Variants in PAPPA2 observed in about 807,000 individuals in gnomAD.
PAPPA2 encodes the protein pappalysin 2, also known as pappalysin-2.
In PAPPA2, 86 loss-of-function variants were observed where a neutral mutation model predicts 176.4. The observed-to-expected ratio is 0.49, with a 90% confidence interval of 0.41 to 0.58. PAPPA2 has a LOEUF of 0.58. Among genes scored for constraint, PAPPA2 ranks in the 20% least tolerant of loss-of-function variants. The probability of loss-of-function intolerance (pLI) is 0.00; values close to 1 mark genes in which losing one functional copy is unlikely to be tolerated. For synonymous variants in PAPPA2, 809 were observed against 852.2 expected (o/e 0.95, Z 0.88); for missense variants, 2,073 against 2,256.9 (o/e 0.92, Z 1.65).
At chr1:176,635,807 A>G (rs2102717014) in intron 3 of PAPPA2, among the ~76,000 whole-genome samples, 1 of 152,212 alleles carries the variant, frequency 6.6e-6, no homozygotes, top group Non-Finnish European at 1.5e-5. Flanking sequence ...GTACCACGGT[A>G]GGAGAATGAA....
rs117531032 is a variant in PAPPA2 at position 176,558,476 on chromosome 1, C to A, written c.919+1235C>A. Among the ~76,000 whole-genome samples the A allele has an allele frequency of 6.4e-4, 98 of 152,288 alleles. 1 individual carries two copies. In the East Asian group the frequency reaches 7.7e-3, roughly 12 times the overall value. ...ATCCCTTCCGGACACTCTGTCTCCCCCTCTTTGGCTGTGATTTCTCCTTCG... is the reference window on the plus strand; with the variant it reads ...ATCCCTTCCGGACACTCTGTCTCCCACTCTTTGGCTGTGATTTCTCCTTCG... On this transcript the variant is annotated intron_variant, in intron 2 of 22. Transcript: ENST00000367662.
At chr1:176,839,693 C>A (rs1402212566) in intron 21 of PAPPA2, among the ~76,000 whole-genome samples, 1 of 152,128 alleles carries the variant, frequency 6.6e-6, no homozygotes, top group Non-Finnish European at 1.5e-5. Flanking sequence ...AGTTACATGA[C>A]ATCTAATACT....
chr1:176,604,587 T>G (rs1370283899), intron 3 of PAPPA2, among the ~76,000 whole-genome samples: 1 of 152,222 alleles, frequency 6.6e-6, no homozygotes, highest in African/African-American at 2.4e-5. Context: ...GGCAGAGTTG[T>G]GCAGTTAAAA....
intron 21 of PAPPA2, among the ~76,000 whole-genome samples, chr1:176,807,209 C>A (rs1243026732): frequency 6.6e-6 from 1 of 152,180 alleles, no homozygotes; most frequent in African/African-American, 2.4e-5. Context: ...ACTCAAAGCA[C>A]AAGGATACTT....
chr1:176,488,565 A>G (rs1472103858), intron 1 of PAPPA2, among the ~76,000 whole-genome samples: 2 of 152,092 alleles, frequency 1.3e-5, no homozygotes, highest in African/African-American at 4.8e-5. Flanking sequence ...CACCCTAATA[A>G]TTGGGATGAT....
intron 1 of PAPPA2, among the ~76,000 whole-genome samples, chr1:176,481,034 C>G (rs917788796): frequency 1.3e-5 from 2 of 152,070 alleles, no homozygotes; most frequent in Non-Finnish European, 1.5e-5. Flanking sequence ...CCTACCTGCA[C>G]CACCCACTCT....
chr1:176,607,651 A>T (rs1460687590), intron 3 of PAPPA2, among the ~76,000 whole-genome samples: 1 of 152,176 alleles, frequency 6.6e-6, no homozygotes, highest in Admixed American at 6.5e-5. Flanking sequence ...AATGTATATG[A>T]CTACTTGTAC....
chr1:176,688,086 A>G (rs1659933288), intron 4 of PAPPA2, among the ~76,000 whole-genome samples: 1 of 152,234 alleles, frequency 6.6e-6, no homozygotes, highest in Non-Finnish European at 1.5e-5. Context: ...CTTAAACTTT[A>G]TAGGTGAATT....
chr1:176,577,223 A>T (rs1159401916), intron 2 of PAPPA2, among the ~76,000 whole-genome samples: 1 of 152,148 alleles, frequency 6.6e-6, no homozygotes, highest in African/African-American at 2.4e-5. Context: ...CTTATCCCCC[A>T]TCTCACCATT....
intron 21 of PAPPA2, among the ~76,000 whole-genome samples, chr1:176,825,717 T>A (rs1666834205): frequency 6.6e-6 from 1 of 152,246 alleles, no homozygotes; most frequent in Non-Finnish European, 1.5e-5. Context: ...TTGTATATTT[T>A]GTTTGCTTTG....
chr1:176,784,862 A>G (rs1024059811), intron 17 of PAPPA2, among the ~76,000 whole-genome samples: 2 of 152,152 alleles, frequency 1.3e-5, no homozygotes, highest in Non-Finnish European at 2.9e-5. Flanking sequence ...CTGGGATTAC[A>G]GGCATGAGCC....
At chr1:176,630,458 A>C (rs1405509831) in intron 3 of PAPPA2, among the ~76,000 whole-genome samples, 1 of 152,218 alleles carries the variant, frequency 6.6e-6, no homozygotes, top group Non-Finnish European at 1.5e-5. Flanking sequence ...GGCAAGGAAC[A>C]GATAATGAGA....
At chr1:176,516,288 T>G (rs77707332) in intron 1 of PAPPA2, among the ~76,000 whole-genome samples, 2 of 151,900 alleles carry the variant, frequency 1.3e-5, no homozygotes, top group Non-Finnish European at 1.5e-5. Context: ...TTTTTTTTTT[T>G]TGTGACAGGC....
chr1:176,647,579 T>C (rs1316380305), intron 3 of PAPPA2, among the ~76,000 whole-genome samples: 1 of 151,724 alleles, frequency 6.6e-6, no homozygotes, highest in Non-Finnish European at 1.5e-5. Context: ...CATTTTGATT[T>C]TATTTTTTGT....
chr1:176,496,238 G>A (rs1011537357), intron 1 of PAPPA2, among the ~76,000 whole-genome samples: 3 of 152,104 alleles, frequency 2.0e-5, no homozygotes, highest in African/African-American at 7.2e-5. Flanking sequence ...CTATACAACT[G>A]TTTTTAATAT....
At chr1:176,518,010 C>T (rs927349269) in intron 1 of PAPPA2, among the ~76,000 whole-genome samples, 1 of 152,110 alleles carries the variant, frequency 6.6e-6, no homozygotes, top group Admixed American at 6.6e-5. Flanking sequence ...ACTCAAAGGG[C>T]TCGAATAGAA....
intron 12 of PAPPA2, among the ~76,000 whole-genome samples, chr1:176,718,802 G>A (rs1661489117): frequency 6.6e-6 from 1 of 151,782 alleles, no homozygotes; most frequent in East Asian, 1.9e-4. Flanking sequence ...TTATGGATCA[G>A]TCTATGGTCA....
rs12140945 is a variant in PAPPA2, at chr1:176,719,210, A to T, written c.3798+7229A>T. Among the ~76,000 whole-genome samples the T allele has an allele frequency of 8.5e-4, 125 of 147,424 alleles. 1 individual carries two copies. The highest frequency in any genetic ancestry group is 3.4e-3 in the Middle Eastern group (1 of 290). ...ACAATTGCTTCGTGATATCTAAAAG[A>T]TTTTTTTTTTTTGCAACATTAAATG... On this transcript the variant is annotated intron_variant, in intron 12 of 22. Coordinates refer to ENST00000367662, the MANE Select transcript of PAPPA2 (RefSeq NM_020318.3).
At chr1:176,586,606 T>C (rs147105968) in intron 2 of PAPPA2, among the ~76,000 whole-genome samples, 1 of 152,326 alleles carries the variant, frequency 6.6e-6, no homozygotes, top group East Asian at 1.9e-4. Flanking sequence ...TCCATGGCTG[T>C]GTGAAGGACA....
Sources: gnomAD v4.1 joint callset for allele counts (sites outside exome capture counted in the v4.1 genomes callset) on GRCh38, gnomAD v4.1.1 for gene constraint, MANE v1.5 for transcripts, NCBI Gene and HGNC (gene_info 2026-07-23, HGNC 2026-07-21) for gene names.